The following PKIA variants were observed in gnomAD, a reference collection of about 807,000 sequenced individuals.
PKIA encodes PKI-alpha.
PKIA carries 4 observed loss-of-function variants against 7.6 expected under a neutral mutation model. The observed-to-expected ratio is 0.52, with a 90% confidence interval of 0.26 to 1.20. The LOEUF (loss-of-function observed/expected upper bound fraction) is 1.20. PKIA is among the 50% of genes most tolerant of loss of function. PKIA has a pLI of 0.13. For missense variants in PKIA, 73 were observed against 86.2 expected, an observed-to-expected ratio of 0.85 and a Z score of 0.61; for synonymous variants, 21 against 30.7, an observed-to-expected ratio of 0.68 and a Z score of 1.04.
At chr8:78,550,927 TACTATGGAGGC>T (rs1221462101) in intron 1 of PKIA, among the ~76,000 whole-genome samples, 1 of 152,054 alleles carries the variant, frequency 6.6e-6, no homozygotes, top group Non-Finnish European at 1.5e-5. Context: ...GTTTATGTGT[TACTATGGAGGC>T]ACAGGATTGC....
intron 2 of PKIA, among the ~76,000 whole-genome samples, chr8:78,590,476 A>G (rs1289484633): frequency 6.6e-6 from 1 of 152,096 alleles, no homozygotes; most frequent in Non-Finnish European, 1.5e-5. Flanking sequence ...GCTAAAAAAA[A>G]TAATATCTCT....
chr8:78,547,730 CT>C (rs1806869057), intron 1 of PKIA, among the ~76,000 whole-genome samples: 1 of 152,104 alleles, frequency 6.6e-6, no homozygotes, highest in Non-Finnish European at 1.5e-5. Context: ...TTATATAACC[CT>C]TTTCTAGTCA....
intron 2 of PKIA, among the ~76,000 whole-genome samples, chr8:78,586,525 C>A (rs529945335): frequency 9.2e-5 from 14 of 152,016 alleles, no homozygotes; most frequent in Non-Finnish European, 1.9e-4. Context: ...GATAATTAAA[C>A]CAGATTTGTG....
At chr8:78,578,013 G>T (rs1169700615) in intron 2 of PKIA, among the ~76,000 whole-genome samples, 1 of 151,654 alleles carries the variant, frequency 6.6e-6, no homozygotes, top group East Asian at 1.9e-4. Flanking sequence ...TAATTACTTA[G>T]AATTTTATTT....
intron 2 of PKIA, among the ~76,000 whole-genome samples, chr8:78,576,596 T>C (rs1461121680): frequency 6.6e-6 from 1 of 151,910 alleles, no homozygotes; most frequent in Non-Finnish European, 1.5e-5. Flanking sequence ...TAAAATAAAA[T>C]AAAATTAAAT....
intron 1 of PKIA, among the ~76,000 whole-genome samples, chr8:78,545,823 A>G (rs555033250): frequency 1.3e-5 from 2 of 152,304 alleles, no homozygotes; most frequent in Non-Finnish European, 2.9e-5. Flanking sequence ...GATAGCATCA[A>G]TAGAAATCAT....
In PKIA at chr8:78,561,120, G is replaced by A. The variant is rs180765328; in HGVS notation, c.-156-11691G>A. 5.2e-3 allele frequency among the ~76,000 whole-genome samples: 788 copies of A among 152,226 alleles called. 3 individuals carry two copies. The highest frequency in any genetic ancestry group is 8.8e-3 in the Non-Finnish European group (599 of 68,004). On this transcript the variant is annotated intron_variant, in intron 1 of 3. Transcript: ENST00000396418. ...TTGCATCTGCTGGTAGATCTTTTGC[G>A]AATTTGCCTTCCTCTGAGATAGGGG...
At chr8:78,550,585 A>T (rs1806957571) in intron 1 of PKIA, among the ~76,000 whole-genome samples, 1 of 152,082 alleles carries the variant, frequency 6.6e-6, no homozygotes, top group South Asian at 2.1e-4. Context: ...AATGCAAGAA[A>T]AAAGCTTGAA....
intron 1 of PKIA, among the ~76,000 whole-genome samples, chr8:78,532,522 AAAAG>A (rs1276014116): frequency 6.6e-6 from 1 of 151,692 alleles, no homozygotes; most frequent in Non-Finnish European, 1.5e-5. Context: ...AAAAAAAAAA[AAAAG>A]GAAGAAATTT....
intron 1 of PKIA, among the ~76,000 whole-genome samples, chr8:78,563,341 T>C (rs925691644): frequency 6.6e-6 from 1 of 152,144 alleles, no homozygotes; most frequent in African/African-American, 2.4e-5. Context: ...TGCCAAACAA[T>C]ATAGAAGTCT....
At chr8:78,526,685 G>C (rs1021789574) in intron 1 of PKIA, among the ~76,000 whole-genome samples, 23 of 151,784 alleles carry the variant, frequency 1.5e-4, no homozygotes, top group African/African-American at 5.3e-4. Context: ...AATTTACAGA[G>C]ACCGTGCAAG....
chr8:78,601,819 T>TAACA lies in PKIA; in HGVS notation c.230_*2dup. 1 of 1,609,932 alleles carries TAACA rather than the reference T, an allele frequency of 6.2e-7. No individual in the cohort carries two copies. The highest frequency in any genetic ancestry group is 1.1e-5 in the South Asian group (1 of 90,952). On this transcript the variant is annotated frameshift_variant and stop_retained_variant, in exon 4 of 4. Coordinates refer to ENST00000396418, the MANE Select transcript of PKIA (RefSeq NM_006823.4). LOFTEE classifies it high-confidence loss of function. ...GGGAGAAGCAGCAAAATCTGAAAGC[T>TAACA]AACACCCCACTTTGACCCTCGACCA...
chr8:78,547,100 TG>T (rs890972286), intron 1 of PKIA, among the ~76,000 whole-genome samples: 2 of 151,946 alleles, frequency 1.3e-5, no homozygotes, highest in East Asian at 1.9e-4. Flanking sequence ...AAAACAGTTT[TG>T]TTTTTTTTTG....
intron 1 of PKIA, among the ~76,000 whole-genome samples, chr8:78,572,502 ATT>A (rs1462634420): frequency 6.7e-6 from 1 of 150,044 alleles, no homozygotes; most frequent in Non-Finnish European, 1.5e-5. Flanking sequence ...TAGTCAACAG[ATT>A]TCTTTCCCCA....
chr8:78,577,260 T>A (rs1478058943), intron 2 of PKIA, among the ~76,000 whole-genome samples: 2 of 151,844 alleles, frequency 1.3e-5, no homozygotes, highest in African/African-American at 4.8e-5. Flanking sequence ...CCCCTAACCA[T>A]ATGTTCTCAC....
At chr8:78,537,951 C>T (rs1277800041) in intron 1 of PKIA, among the ~76,000 whole-genome samples, 2 of 152,040 alleles carry the variant, frequency 1.3e-5, no homozygotes, top group Non-Finnish European at 2.9e-5. Context: ...TCTTGTCTTT[C>T]ACACTCCTAA....
intron 1 of PKIA, chr8:78,534,073 G>C (rs923772289): frequency 1.3e-5 from 2 of 152,002 alleles, no homozygotes; most frequent in Non-Finnish European, 2.9e-5. Context: ...CAACTTTATA[G>C]TTTCTCACTT....
At chr8:78,543,815 G>C (rs1420824138) in intron 1 of PKIA, among the ~76,000 whole-genome samples, 1 of 152,102 alleles carries the variant, frequency 6.6e-6, no homozygotes, top group Non-Finnish European at 1.5e-5. Context: ...CTAAAATTAC[G>C]ATGTCGTGTT....
chr8:78,588,911 GA>G lies in PKIA; in HGVS notation c.-27-9436del, dbSNP rs111735860. On this transcript the variant is annotated intron_variant, in intron 2 of 3. Coordinates refer to ENST00000396418, the MANE Select transcript of PKIA (RefSeq NM_006823.4). ...GTGAGACCCTGTCTCAAAAAGAAAGGAAAAAAAAAAAGAAAAGAAAGATTTA... is the reference window on the plus strand; with the variant it reads ...GTGAGACCCTGTCTCAAAAAGAAAGGAAAAAAAAAAGAAAAGAAAGATTTA... Among the ~76,000 whole-genome samples the G allele has an allele frequency of 4.6e-4, 62 of 134,078 alleles. 1 individual carries two copies. The highest frequency in any genetic ancestry group is 7.2e-4 in the South Asian group (3 of 4,160). The allele number at this position is 134,078 out of a possible 152,430, so 88.0% of individuals were successfully genotyped here.
Sources: allele counts gnomAD v4.1 joint callset (sites outside exome capture counted in the v4.1 genomes callset), GRCh38; gene constraint gnomAD v4.1.1; transcripts MANE v1.5; gene names NCBI Gene and HGNC (gene_info 2026-07-23, HGNC 2026-07-21).